Variants in NPRL3 observed in about 807,000 individuals in gnomAD.
The protein encoded by NPRL3 is GATOR1 complex protein NPRL3.
In NPRL3, 23 loss-of-function variants were observed where a neutral mutation model predicts 57.2. The observed-to-expected ratio is 0.40, with a 90% confidence interval of 0.29 to 0.57. The LOEUF is 0.57. Ranked by LOEUF, NPRL3 falls within the 20% of genes least tolerant of loss-of-function variation. The pLI, the probability that NPRL3 is intolerant of heterozygous loss-of-function variation, is 0.42. For missense variants in NPRL3, 691 were observed against 767.1 expected, an observed-to-expected ratio of 0.90 and a Z score of 1.17; for synonymous variants, 333 against 321.1, an observed-to-expected ratio of 1.04 and a Z score of -0.39.
chr16:130,426 T>C, intron 3 of NPRL3, 96 bp downstream of exon 3: 2 of 1,281,862 alleles, frequency 1.6e-6, no homozygotes, highest in Non-Finnish European at 2.2e-6. Context: ...ACCAGACTTC[T>C]CAGGGAGAAA....
chr16:113,463 T>C (rs1346495345), intron 5 of NPRL3, among the ~76,000 whole-genome samples: 4 of 152,150 alleles, frequency 2.6e-5, no homozygotes, highest in African/African-American at 4.8e-5. Context: ...CAAAGGACAG[T>C]GCAGGAGGCT....
rs370419688 is a variant in NPRL3 at position 130,604 on chromosome 16, G to A, written c.119-13C>T. On this transcript the variant is annotated splice_polypyrimidine_tract_variant and intron_variant, in intron 2 of 13. Coordinates refer to ENST00000611875, the MANE Select transcript of NPRL3 (RefSeq NM_001077350.3). ...CTACGCGGCTTACCTGAGTCGGGGC[G>A]AAAAGAGGGGAAGGGCTAAGAAAAC... 459 of 1,552,252 alleles carry A rather than the reference G, an allele frequency of 3.0e-4. No homozygotes were observed. The highest frequency in any genetic ancestry group is 3.8e-4 in the Non-Finnish European group (434 of 1,147,646).
chr16:113,846 A>G (rs1301690028), intron 5 of NPRL3, among the ~76,000 whole-genome samples: 1 of 152,204 alleles, frequency 6.6e-6, no homozygotes, highest in African/African-American at 2.4e-5. Context: ...AGCTGAAGAA[A>G]TTCTCTATAT....
At position 85,767 on chromosome 16, in the gene NPRL3, C is replaced by T. The variant is rs1181005582; in HGVS notation, c.*938G>A. ...GTCGACAGAGTGGCTGAGCAGGACA[C>T]ACAGGCCTGAGCAAAGGGCCTGCCC... On this transcript the variant is annotated 3_prime_UTR_variant, in exon 14 of 14. Transcript: ENST00000611875. 6.6e-7 allele frequency: 1 copy of T among 1,505,284 alleles called. No individual in the cohort carries two copies. The highest frequency in any genetic ancestry group is 8.9e-7 in the Non-Finnish European group (1 of 1,126,482). The allele number at this position is 1,505,284 out of a possible 1,614,324, so 93.2% of individuals were successfully genotyped here.
intron 2 of NPRL3, among the ~76,000 whole-genome samples, chr16:134,243 A>C (rs7197554): frequency 0.04 from 6,075 of 151,932 alleles, 387 homozygotes; most frequent in African/African-American, 0.14. Context: ...ACACACACAC[A>C]CCCCCTCACA....
intron 3 of NPRL3, among the ~76,000 whole-genome samples, chr16:119,866 C>T (rs1472084702): frequency 6.6e-6 from 1 of 152,268 alleles, no homozygotes; most frequent in African/African-American, 2.4e-5. Flanking sequence ...TGCAAGCCCA[C>T]TGTGATCACA....
rs533529212 is a variant in NPRL3 at position 118,922 on chromosome 16, G to A, written c.318+204C>T. 1.2e-4 allele frequency among the ~76,000 whole-genome samples: 16 copies of A among 138,090 alleles called. No homozygotes were observed. The South Asian group carries it at 3.9e-3, about 33-fold the overall frequency. The allele number at this position is 138,090 out of a possible 152,430, so 90.6% of individuals were successfully genotyped here. ...GGAGCCACACCTTCCCAGAGGGTCTGTACCTGCCCAGGGGAAGCCACATCT... is the reference window on the plus strand; with the variant it reads ...GGAGCCACACCTTCCCAGAGGGTCTATACCTGCCCAGGGGAAGCCACATCT... On this transcript the variant is annotated intron_variant, in intron 4 of 13. Coordinates refer to ENST00000611875, the MANE Select transcript of NPRL3 (RefSeq NM_001077350.3).
rs1898477632 is a variant in NPRL3, at chr16:86,552, T to G, written c.*153A>C. 8 of 724,122 alleles carry G rather than the reference T, an allele frequency of 1.1e-5. No individual in the cohort carries two copies. 44.9% of individuals were successfully genotyped at this position (724,122 alleles called of 1,614,324 possible). On this transcript the variant is annotated 3_prime_UTR_variant, in exon 14 of 14. Coordinates refer to ENST00000611875, the MANE Select transcript of NPRL3 (RefSeq NM_001077350.3). ...ACCAGGGGCAAGGACAGCGGGGCTC[T>G]GCAGGCTTCACTGGGCCACGGCCAG...
intron 12 of NPRL3, 137 bp downstream of exon 12, chr16:89,576 G>T (rs933735020): frequency 7.2e-5 from 56 of 780,562 alleles, no homozygotes; most frequent in Admixed American, 5.6e-4. Flanking sequence ...CTCCACGGGG[G>T]ACACGAGGCA....
intron 2 of NPRL3, among the ~76,000 whole-genome samples, chr16:135,608 CAAAAAAA>C (rs555589072): frequency 1.8e-5 from 1 of 56,852 alleles, no homozygotes; most frequent in Non-Finnish European, 3.8e-5. Flanking sequence ...GACTCTGTCT[CAAAAAAA>C]AAAAAAAAAA....
At chr16:129,062 C>G (rs915008708) in intron 3 of NPRL3, among the ~76,000 whole-genome samples, 1 of 152,140 alleles carries the variant, frequency 6.6e-6, no homozygotes, top group Non-Finnish European at 1.5e-5. Context: ...CTCTTCATTA[C>G]GTTAAATATT....
intron 2 of NPRL3, among the ~76,000 whole-genome samples, chr16:134,070 T>C (rs1047102340): frequency 2.0e-5 from 3 of 152,136 alleles, no homozygotes; most frequent in Admixed American, 6.5e-5. Context: ...ATGAAAAAGT[T>C]TGAAATACTG....
intron 13 of NPRL3, among the ~76,000 whole-genome samples, chr16:87,250 G>A (rs548960125): frequency 4.0e-5 from 6 of 151,672 alleles, no homozygotes; most frequent in Admixed American, 3.9e-4. Flanking sequence ...CTTTTTTTGA[G>A]AGACGGAGTC....
intron 3 of NPRL3, among the ~76,000 whole-genome samples, chr16:122,321 C>T (rs1446495253): frequency 6.7e-6 from 1 of 149,824 alleles, no homozygotes; most frequent in Non-Finnish European, 1.5e-5. Flanking sequence ...CTGGTCTCGA[C>T]CTCCTGACCT....
At chr16:100,691 C>T (rs530735180) in intron 7 of NPRL3, among the ~76,000 whole-genome samples, 182 bp from the exon 8 acceptor site, 2 of 131,286 alleles carry the variant, frequency 1.5e-5, no homozygotes, top group Non-Finnish European at 3.6e-5. Flanking sequence ...ATATGGGGGC[C>T]GGGCACGGTG....
At chr16:133,654 G>A (rs1005471004) in intron 2 of NPRL3, among the ~76,000 whole-genome samples, 6 of 152,196 alleles carry the variant, frequency 3.9e-5, no homozygotes, top group Non-Finnish European at 5.9e-5. Context: ...TACAGGTGCA[G>A]GCCTGGCTTG....
intron 2 of NPRL3, among the ~76,000 whole-genome samples, chr16:132,885 G>A (rs1011525878): frequency 3.9e-5 from 6 of 152,112 alleles, no homozygotes; most frequent in Non-Finnish European, 5.9e-5. Context: ...TAGCCAGGAT[G>A]GTCTTGATCT....
intron 3 of NPRL3, 171 bp from the exon 4 acceptor site, chr16:119,426 G>T: frequency 1.6e-6 from 1 of 636,010 alleles, no homozygotes; most frequent in Non-Finnish European, 2.7e-6. Context: ...AATCCCAGAG[G>T]TTATGGATGT....
intron 7 of NPRL3, among the ~76,000 whole-genome samples, chr16:101,883 C>T (rs1292639519): frequency 1.3e-5 from 2 of 152,216 alleles, no homozygotes; most frequent in Non-Finnish European, 2.9e-5. Context: ...GCACCCCTGA[C>T]CCCAGCCCCA....
Sources: allele counts gnomAD v4.1 joint callset (sites outside exome capture counted in the v4.1 genomes callset), GRCh38; gene constraint gnomAD v4.1.1; transcripts MANE v1.5; gene names NCBI Gene and HGNC (gene_info 2026-07-23, HGNC 2026-07-21).